NFATC2: variants seen among roughly 807,000 people sequenced by gnomAD.
NFATC2 encodes the protein nuclear factor of activated T cells 2.
Under a neutral mutation model 87.3 loss-of-function variants are expected in NFATC2, and 22 were observed. The ratio of observed to expected loss-of-function variants is 0.25; its 90% confidence interval spans 0.18 to 0.36. The LOEUF is 0.36. NFATC2 is among the 10% of genes least tolerant of loss of function. The pLI, the probability that NFATC2 is intolerant of heterozygous loss-of-function variation, is 1.00. For missense variants in NFATC2, 1,149 were observed against 1,259.1 expected (o/e 0.91, Z 1.32); for synonymous variants, 565 against 542.2 (o/e 1.04, Z -0.58).
At chr20:51,395,261 C>G (rs1600641561) in intron 10 of NFATC2, among the ~76,000 whole-genome samples, 1 of 149,496 alleles carries the variant, frequency 6.7e-6, no homozygotes, top group East Asian at 1.9e-4. Flanking sequence ...CAGACCAATA[C>G]TCTCCCTAGC....
chr20:51,460,823 T>G (rs941019499), intron 5 of NFATC2, among the ~76,000 whole-genome samples: 1 of 152,026 alleles, frequency 6.6e-6, no homozygotes. Flanking sequence ...GGCTCTCAGG[T>G]CACCTGTAGC....
At chr20:51,522,292 T>A (rs1369082353) in intron 2 of NFATC2, among the ~76,000 whole-genome samples, 1 of 41,110 alleles carries the variant, frequency 2.4e-5, no homozygotes, top group Non-Finnish European at 4.7e-5. Flanking sequence ...GGCGGGGGGG[T>A]CGGGGAGGGG....
intron 3 of NFATC2, among the ~76,000 whole-genome samples, chr20:51,509,042 C>G (rs1222221996): frequency 6.6e-6 from 1 of 152,058 alleles, no homozygotes; most frequent in East Asian, 1.9e-4. Context: ...TCCCCTTCCC[C>G]TGCCCTTCCC....
At chr20:51,461,514 G>A (rs1490450237) in intron 5 of NFATC2, among the ~76,000 whole-genome samples, 3 of 152,158 alleles carry the variant, frequency 2.0e-5, no homozygotes, top group East Asian at 3.9e-4. Context: ...GCTTGGGGGG[G>A]CTCTTGTATT....
intron 9 of NFATC2, among the ~76,000 whole-genome samples, chr20:51,428,594 C>T (rs537357037): frequency 6.6e-6 from 1 of 152,168 alleles, no homozygotes; most frequent in Non-Finnish European, 1.5e-5. Flanking sequence ...AATGCCCAGA[C>T]GCGACGCTGG....
At chr20:51,396,936 T>G (rs79700558) in intron 10 of NFATC2, among the ~76,000 whole-genome samples, 1 of 152,084 alleles carries the variant, frequency 6.6e-6, no homozygotes, top group African/African-American at 2.4e-5. Context: ...CCTTTTTTTT[T>G]GAGTCTCCCT....
chr20:51,549,853 G>C (rs1369551189), intron 1 of NFATC2, among the ~76,000 whole-genome samples: 5 of 152,218 alleles, frequency 3.3e-5, no homozygotes, highest in African/African-American at 1.2e-4. Context: ...CTTAGAAGGA[G>C]CCTGCACTTG....
chr20:51,448,875 TATA>T (rs1434504456), intron 6 of NFATC2, among the ~76,000 whole-genome samples: 1 of 152,068 alleles, frequency 6.6e-6, no homozygotes, highest in Non-Finnish European at 1.5e-5. Flanking sequence ...ATACAAATAA[TATA>T]ATAATCATTA....
chr20:51,476,200 T>A (rs764145775), intron 3 of NFATC2, among the ~76,000 whole-genome samples: 8 of 149,464 alleles, frequency 5.4e-5, no homozygotes, highest in Non-Finnish European at 1.2e-4. Context: ...TAACATTAGG[T>A]ATATCTCCTA....
At chr20:51,392,723 C>T (rs115387157) in intron 10 of NFATC2, among the ~76,000 whole-genome samples, 2,204 of 152,296 alleles carry the variant, frequency 0.014, 52 homozygotes, top group African/African-American at 0.051. Context: ...CCTTTTCTCA[C>T]CTTAGCCTTA....
intron 6 of NFATC2, among the ~76,000 whole-genome samples, chr20:51,443,046 T>C (rs1038996500): frequency 1.3e-5 from 2 of 152,166 alleles, no homozygotes; most frequent in South Asian, 2.1e-4. Flanking sequence ...TCTCTCTCCC[T>C]CCAACAGCCA....
rs1021935993 is a variant in NFATC2, at chr20:51,429,278, G to T, written c.2722+2789C>A. Among the ~76,000 whole-genome samples, 10 of 152,386 alleles carry T rather than the reference G, an allele frequency of 6.6e-5. No individual in the cohort carries two copies. In the East Asian group the frequency reaches 1.2e-3, roughly 18 times the overall value. On this transcript the variant is annotated intron_variant, in intron 9 of 10. Coordinates refer to ENST00000371564, the MANE Select transcript of NFATC2 (RefSeq NM_012340.5). ...GCTTGCCACTGGGCACGAGCCACCA[G>T]GGGACCTGCCCATTGGAGGGTCCTG...
intron 6 of NFATC2, among the ~76,000 whole-genome samples, chr20:51,440,011 C>T (rs1392989728): frequency 5.9e-5 from 9 of 152,062 alleles, no homozygotes; most frequent in African/African-American, 9.7e-5. Context: ...CCAAGGCGGG[C>T]GGATCACCTG....
intron 4 of NFATC2, 68 bp from the exon 5 acceptor site, chr20:51,474,220 C>T: frequency 1.3e-6 from 2 of 1,574,484 alleles, no homozygotes; most frequent in African/African-American, 1.3e-5. Context: ...ACCCCCAAAG[C>T]TGCCAGTCTA....
chr20:51,516,757 C>T, intron 3 of NFATC2, 27 bp downstream of exon 3: 1 of 1,570,328 alleles, frequency 6.4e-7, no homozygotes, highest in African/African-American at 1.4e-5. Context: ...ACACCACACA[C>T]AAAAGGAAGA....
chr20:51,559,742 C>T (rs901244904), intron 1 of NFATC2, among the ~76,000 whole-genome samples: 1 of 152,222 alleles, frequency 6.6e-6, no homozygotes, highest in African/African-American at 2.4e-5. Flanking sequence ...TCACTGTGTG[C>T]CAGTCACTGT....
intron 6 of NFATC2, among the ~76,000 whole-genome samples, chr20:51,442,387 G>A (rs933709669): frequency 3.9e-5 from 6 of 152,086 alleles, no homozygotes; most frequent in African/African-American, 9.7e-5. Context: ...AGCTGAGATC[G>A]CACCACTGCA....
chr20:51,527,521 C>G (rs1265130944), intron 1 of NFATC2, among the ~76,000 whole-genome samples: 10 of 152,170 alleles, frequency 6.6e-5, no homozygotes, highest in Non-Finnish European at 1.3e-4. Context: ...TCCACCCCCA[C>G]CAATCAGCAA....
chr20:51,491,759 C>T (rs2075888602), intron 3 of NFATC2, among the ~76,000 whole-genome samples: 1 of 152,010 alleles, frequency 6.6e-6, no homozygotes, highest in African/African-American at 2.4e-5. Flanking sequence ...CTGTGTGCAT[C>T]TGTTTAGGTG....
Sources: gnomAD v4.1 joint callset for allele counts (sites outside exome capture counted in the v4.1 genomes callset) on GRCh38, gnomAD v4.1.1 for gene constraint, MANE v1.5 for transcripts, NCBI Gene and HGNC (gene_info 2026-07-23, HGNC 2026-07-21) for gene names.